Variants in TNFAIP3 observed in about 807,000 individuals in gnomAD.
TNFAIP3 encodes tumor necrosis factor alpha-induced protein 3.
TNFAIP3 carries 9 observed loss-of-function variants against 72.4 expected under a neutral mutation model. The ratio of observed to expected loss-of-function variants is 0.12; its 90% CI spans 0.07 to 0.22. The LOEUF (loss-of-function observed/expected upper bound fraction) is 0.22, where lower values mean the gene tolerates loss of function less well. TNFAIP3 is among the 10% of genes least tolerant of loss of function. The pLI, the probability that TNFAIP3 is intolerant of heterozygous loss-of-function variation, is 1.00. For missense variants in TNFAIP3, 833 were observed against 1,018.7 expected (o/e 0.82, Z 2.48); for synonymous variants, 339 against 372.6 (o/e 0.91, Z 1.04).
upstream of TNFAIP3, chr6:137,867,028 C>A (rs1775856093): frequency 7.6e-6 from 1 of 132,012 alleles, no homozygotes; most frequent in African/African-American, 2.9e-5. This position sits in a 1 kb window ranked among gnomAD's most constrained non-coding sequence, Gnocchi z 6.0. Context: ...CGGGCGCCTG[C>A]AGGGACCGGG....
At position 137,875,167 on chromosome 6, in the gene TNFAIP3, A is replaced by T. The variant is rs1385329583; in HGVS notation, c.486+132A>T. The T allele has an allele frequency of 8.7e-5, 90 of 1,040,462 alleles. No individual in the cohort carries two copies. In the East Asian group the frequency reaches 2.3e-3, roughly 26 times the overall value. The allele number at this position is 1,040,462 out of a possible 1,614,324, so 64.5% of individuals were successfully genotyped here. On this transcript the variant is annotated intron_variant, in intron 3 of 8. Transcript: ENST00000612899. ...GAATTTGGCTAAGCGAAGCATACTC[A>T]ATGGAAAACACCAGAAACCTCCAGT...
rs1354352671 is a variant in TNFAIP3, at chr6:137,874,990, C to G, written c.441C>G (p.Leu147=). The stretch of plus-strand genomic sequence containing the variant: ...AATTCCGCTGGCAACTGGAGTCTCT[C>G]AAATCTCAGGAATTTGTTGAAACGG... ...NFKFRWQLES[L]KSQEFVETGL... Residue 147 remains leucine (L), a synonymous_variant, in exon 3 of 9, where the codon CTC becomes CTG. Transcript: ENST00000612899. The G allele has an allele frequency of 6.2e-7, 1 of 1,614,128 alleles. No homozygotes were observed. The highest frequency in any genetic ancestry group is 8.5e-7 in the Non-Finnish European group (1 of 1,180,052).
chr6:137,871,097 C>A lies in TNFAIP3; in HGVS notation c.-15-116C>A, dbSNP rs938504446. On this transcript the variant is annotated intron_variant, in intron 1 of 8. Coordinates refer to ENST00000612899, the MANE Select transcript of TNFAIP3 (RefSeq NM_001270508.2). This position sits in a 1 kb window ranked among gnomAD's most constrained non-coding sequence, Gnocchi z 4.2. ...GAGTAGAGGTGCTAAGATCTTTTGCCTACAGATCAGGGTAATGACAAGATC... is the reference window on the plus strand; with the variant it reads ...GAGTAGAGGTGCTAAGATCTTTTGCATACAGATCAGGGTAATGACAAGATC... 1 of 940,692 alleles carries A rather than the reference C, an allele frequency of 1.1e-6. No individual in the cohort carries two copies. Among genetic ancestry groups the A allele is most frequent in the East Asian group, 2.6e-5 (1 of 39,138 alleles). The allele number at this position is 940,692 out of a possible 1,614,324, so 58.3% of individuals were successfully genotyped here. A position where few individuals can be genotyped will look rare whatever the true frequency, so the allele number is the denominator to read the frequency against.
intron 6 of TNFAIP3, among the ~76,000 whole-genome samples, chr6:137,877,665 A>G (rs1776295453): frequency 6.6e-6 from 1 of 152,258 alleles, no homozygotes; most frequent in South Asian, 2.1e-4. Flanking sequence ...GAACAGGCAC[A>G]TCAGACATAG....
upstream of TNFAIP3, chr6:137,866,634 A>T (rs1775843778): frequency 6.6e-6 from 1 of 152,404 alleles, no homozygotes; most frequent in African/African-American, 2.4e-5. Context: ...CGTCTCATGC[A>T]GCCTGGGGTC....
Position 137,881,379 on chromosome 6 carries a change from G to T in TNFAIP3, c.*60G>T. 1 of 1,464,346 alleles carries T rather than the reference G, an allele frequency of 6.8e-7. No individual in the cohort carries two copies. The highest frequency in any genetic ancestry group is 1.3e-5 in the South Asian group (1 of 74,786). The allele number at this position is 1,464,346 out of a possible 1,614,324, so 90.7% of individuals were successfully genotyped here. On this transcript the variant is annotated 3_prime_UTR_variant, in exon 9 of 9. Transcript: ENST00000612899. This position sits in a 1 kb window ranked among gnomAD's most constrained non-coding sequence, Gnocchi z 5.0. ...GGGCCTCGAGCTGTCAGTCATCATG[G>T]TGCTATCCTCTGAACCCCTCAGCTG...
At chr6:137,875,950 GA>G in intron 4 of TNFAIP3, 45 bp from the exon 5 acceptor site, 3 of 1,599,888 alleles carry the variant, frequency 1.9e-6, no homozygotes, top group Non-Finnish European at 8.5e-7. Flanking sequence ...GGAATTTGAT[GA>G]AAGTCACCTA....
rs1208610132 is a variant in TNFAIP3, at chr6:137,877,167, G to C, written c.897G>C (p.Lys299Asn). 1 of 1,613,988 alleles carries C rather than the reference G, an allele frequency of 6.2e-7. No individual in the cohort carries two copies. Among genetic ancestry groups the C allele is most frequent in the South Asian group, 1.1e-5 (1 of 91,064 alleles). Residue 299 changes from lysine (K) to asparagine (N), a missense_variant, in exon 6 of 9, where the codon AAG (lysine) becomes AAC (asparagine). Transcript: ENST00000612899. The stretch of plus-strand genomic sequence containing the variant: ...TGACAGATCCTGAAAATGAGATGAA[G>C]GAGAAGCTCTTAAAAGAGTACTTAA... ...HFLTDPENEM[K>N]EKLLKEYLMV...
At chr6:137,877,052 C>A in intron 5 of TNFAIP3, 24 bp from the exon 6 acceptor site, 1 of 1,555,958 alleles carries the variant, frequency 6.4e-7, no homozygotes, top group Non-Finnish European at 8.7e-7. Flanking sequence ...TACTGTTTTA[C>A]TTATGTATTA....
chr6:137,874,787 T>C (rs1051895204), intron 2 of TNFAIP3, 58 bp from the exon 3 acceptor site: 57 of 1,555,462 alleles, frequency 3.7e-5, no homozygotes, highest in Non-Finnish European at 4.7e-5. Flanking sequence ...AAACCTTTGC[T>C]GGGTCTTACA....
Position 137,871,001 on chromosome 6 carries a change from T to G in TNFAIP3, c.-15-212T>G, listed in dbSNP as rs1404825364. On this transcript the variant is annotated intron_variant, in intron 1 of 8. Transcript: ENST00000612899. This position sits in a 1 kb window ranked among gnomAD's most constrained non-coding sequence, Gnocchi z 4.2. ...TCTGCCTTCCTTCTCTTGTTTAGGC[T>G]AATCTTTTAAAGTGATGTAACTTAA... 6.6e-6 allele frequency among the ~76,000 whole-genome samples: 1 copy of G among 152,238 alleles called. No homozygotes were observed. The highest frequency in any genetic ancestry group is 1.5e-5 in the Non-Finnish European group (1 of 68,036).
At position 137,880,171 on chromosome 6, in the gene TNFAIP3, G is replaced by A; in HGVS notation, c.2007G>A (p.Met669Ile). The A allele has an allele frequency of 1.9e-6, 3 of 1,614,162 alleles. No individual in the cohort carries two copies. Among genetic ancestry groups the A allele is most frequent in the Non-Finnish European group, 2.5e-6 (3 of 1,180,034 alleles). Residue 669 changes from methionine to isoleucine, a missense_variant, in exon 8 of 9, where the codon ATG becomes ATA. Physicochemically the swap from Met to Ile is conservative, Grantham distance 10 (BLOSUM62 1). This residue lies in a region of TNFAIP3 where 587 missense variants were observed against 657.8 expected (regional missense o/e 0.89). Transcript: ENST00000612899. ...AATGCGGCACCCTTGGAAGCACCAT[G>A]TTTGAAGGATACTGCCAGAAGTGTT... is the stretch of plus-strand genomic sequence containing the variant. The part of the protein sequence containing the change: ...GRECGTLGST[M>I]FEGYCQKCFI...
intron 2 of TNFAIP3, among the ~76,000 whole-genome samples, chr6:137,873,969 C>T (rs191113524): frequency 1.9e-3 from 296 of 152,172 alleles, no homozygotes; most frequent in African/African-American, 6.6e-3. Flanking sequence ...AAGGAGTTAA[C>T]TTTTTTTGTT....
Position 137,867,962 on chromosome 6 carries a change from G to C in TNFAIP3, c.-16+420G>C, listed in dbSNP as rs1341011587. The C allele has an allele frequency of 6.6e-6, 1 of 152,500 alleles. No homozygotes were observed. Among genetic ancestry groups the C allele is most frequent in the Non-Finnish European group, 1.5e-5 (1 of 68,106 alleles). The allele number at this position is 152,500 out of a possible 1,614,324, so 9.4% of individuals were successfully genotyped here. A position where few individuals can be genotyped will look rare whatever the true frequency, so the allele number is the denominator to read the frequency against. ...CTTTTTCCCAAATTGTGCAGGACCA[G>C]CCCGACGGGGCGTAGGGTACCGCAG... is the stretch of plus-strand genomic sequence containing the variant. On this transcript the variant is annotated intron_variant, in intron 1 of 8. Coordinates refer to ENST00000612899, the MANE Select transcript of TNFAIP3 (RefSeq NM_001270508.2). The surrounding 1 kb of genome is among the most constrained non-coding windows in gnomAD (Gnocchi z 6.0).
intron 2 of TNFAIP3, among the ~76,000 whole-genome samples, chr6:137,873,627 C>G (rs960453402): frequency 6.6e-6 from 1 of 151,958 alleles, no homozygotes; most frequent in South Asian, 2.1e-4. Context: ...AAAGTAAGCA[C>G]AAGAAGAAAA....
At position 137,877,240 on chromosome 6, in the gene TNFAIP3, C is replaced by G. The variant is rs1435262909; in HGVS notation, c.970C>G (p.Leu324Val). Residue 324 changes from leucine (L) to valine (V), a missense_variant, in exon 6 of 9, where the codon CTC becomes GTC. By Grantham distance (32) the Leu-to-Val change is conservative (BLOSUM62 1). Coordinates refer to ENST00000612899, the MANE Select transcript of TNFAIP3 (RefSeq NM_001270508.2). ...VQGWDHGTTH[L>V]INAAKLDEAN... ...AGGCTGGGACCATGGCACAACTCAT[C>G]TCATCAATGCCGCAAAGTAAGCAGT... 1 of 1,608,608 alleles carries G rather than the reference C, an allele frequency of 6.2e-7. No homozygotes were observed. Among genetic ancestry groups the G allele is most frequent in the Non-Finnish European group, 8.5e-7 (1 of 1,177,828 alleles).
In TNFAIP3 at chr6:137,877,143, G is replaced by A. The variant is rs748621216; in HGVS notation, c.873G>A (p.Leu291=). 8.7e-6 allele frequency: 14 copies of A among 1,613,750 alleles called. No homozygotes were observed. In the South Asian group the frequency reaches 1.5e-4, roughly 18 times the overall value. ...TTGAAGACTTAAAAGTTCACTTTTT[G>A]ACAGATCCTGAAAATGAGATGAAGG... ...GRFEDLKVHF[L]TDPENEMKEK... is the part of the protein sequence containing the mutation. Residue 291 remains leucine, a synonymous_variant, in exon 6 of 9, where the codon TTG becomes TTA. Coordinates refer to ENST00000612899, the MANE Select transcript of TNFAIP3 (RefSeq NM_001270508.2).
Position 137,879,002 on chromosome 6 carries a change from G to T in TNFAIP3, c.1557G>T (p.Gly519=). 1 of 1,614,220 alleles carries T rather than the reference G, an allele frequency of 6.2e-7. No individual in the cohort carries two copies. The highest frequency in any genetic ancestry group is 1.3e-5 in the African/African-American group (1 of 75,064). Residue 519 remains glycine (G), a synonymous_variant, in exon 7 of 9, where the codon GGG becomes GGT. Coordinates refer to ENST00000612899, the MANE Select transcript of TNFAIP3 (RefSeq NM_001270508.2). ...ACCACACAAGGCACTTGGATCCCGGGAAGTGCCAAGCCTGCCTCCAGGATG... is the reference window on the plus strand; with the variant it reads ...ACCACACAAGGCACTTGGATCCCGGTAAGTGCCAAGCCTGCCTCCAGGATG... ...APDHTRHLDP[G]KCQACLQDVT...
Position 137,871,142 on chromosome 6 carries a change from A to G in TNFAIP3, c.-15-71A>G. On this transcript the variant is annotated intron_variant, in intron 1 of 8. Coordinates refer to ENST00000612899, the MANE Select transcript of TNFAIP3 (RefSeq NM_001270508.2). This position sits in a 1 kb window ranked among gnomAD's most constrained non-coding sequence, Gnocchi z 4.2. ...AAGATCAAACACTGGGGTTTCCTGC[A>G]GGCAGCTATAGAGGAGTCGTATTAA... The G allele has an allele frequency of 7.0e-7, 1 of 1,420,024 alleles. No individual in the cohort carries two copies. Among genetic ancestry groups the G allele is most frequent in the Non-Finnish European group, 9.5e-7 (1 of 1,053,672 alleles). The allele number at this position is 1,420,024 out of a possible 1,614,324, so 88.0% of individuals were successfully genotyped here.
Sources: allele counts gnomAD v4.1 joint callset (sites outside exome capture counted in the v4.1 genomes callset), GRCh38; gene constraint gnomAD v4.1.1; regional missense constraint gnomAD v4.1.1; non-coding constraint Gnocchi (gnomAD v3.1); transcripts MANE v1.5; gene names NCBI Gene and HGNC (gene_info 2026-07-23, HGNC 2026-07-21).